The following ATXN3 variants were observed in gnomAD, a reference collection of about 807,000 sequenced individuals.
ATXN3 encodes the protein ataxin-3.
ATXN3 carries 28 observed loss-of-function variants against 58.2 expected under a neutral mutation model. That is an observed-to-expected ratio of 0.48 (90% CI 0.36 to 0.66). ATXN3 has a LOEUF of 0.66. Among genes scored for constraint, ATXN3 ranks in the 30% least tolerant of loss-of-function variants. The pLI is 0.00. For synonymous variants in ATXN3, 113 were observed against 138.5 expected (o/e 0.82, Z 1.29); for missense variants, 321 against 422.1 (o/e 0.76, Z 2.10).
At position 92,094,872 on chromosome 14, in the gene ATXN3, G is replaced by A. The variant is rs56101118; in HGVS notation, c.235-1041C>T. On this transcript the variant is annotated intron_variant, in intron 3 of 10. Coordinates refer to ENST00000644486, the MANE Select transcript of ATXN3 (RefSeq NM_004993.6). ...AGCCATTACCTGTTAGCAGTGGCAC[G>A]GTAAAGCACTAGATGGAAATGCTGG... 7.5e-3 allele frequency among the ~76,000 whole-genome samples: 1,143 copies of A among 152,274 alleles called. 17 individuals are homozygous for A. Among genetic ancestry groups the A allele is most frequent in the African/African-American group, 0.026 (1,080 of 41,554 alleles).
At chr14:92,084,898 G>T (rs1279893843) in intron 6 of ATXN3, among the ~76,000 whole-genome samples, 1 of 152,086 alleles carries the variant, frequency 6.6e-6, no homozygotes, top group Non-Finnish European at 1.5e-5. Context: ...TTAAACTTTG[G>T]TGTTTGTTAT....
At chr14:92,055,684 G>A (rs930698648), downstream of ATXN3, among the ~76,000 whole-genome samples, 7 of 152,222 alleles carry the variant, frequency 4.6e-5, no homozygotes, top group African/African-American at 1.7e-4. The surrounding 1 kb of genome is among the most constrained non-coding windows in gnomAD (Gnocchi z 4.5). Flanking sequence ...AATCTGGCCA[G>A]GTTAGGTGGC....
intron 9 of ATXN3, among the ~76,000 whole-genome samples, chr14:92,079,003 T>C (rs2060942206): frequency 6.6e-6 from 1 of 151,976 alleles, no homozygotes; most frequent in Non-Finnish European, 1.5e-5. Context: ...CTGGACGACA[T>C]GGTGAAATCC....
rs1595456792 is a variant in ATXN3, at chr14:92,063,297, A to G, written c.*1023T>C. 6.6e-6 allele frequency: 1 copy of G among 152,422 alleles called. No homozygotes were observed. Among genetic ancestry groups the G allele is most frequent in the East Asian group, 1.9e-4 (1 of 5,206 alleles). 9.4% of individuals were successfully genotyped at this position (152,422 alleles called of 1,614,324 possible). A position where few individuals can be genotyped will look rare whatever the true frequency, so the allele number is the denominator to read the frequency against. The stretch of plus-strand genomic sequence containing the variant: ...GCAGACACCTACATTCCATGACTCA[A>G]CTGTAAAGAGAACACAAAGCTCCAG... On this transcript the variant is annotated 3_prime_UTR_variant, in exon 11 of 11. Transcript: ENST00000644486.
In ATXN3 at chr14:92,083,154, CT is replaced by C; in HGVS notation, c.579del (p.Glu194LysfsTer3). ...TGCTCTTTTAGTTGTGCTAATTCTTCTCCAATAAGTTTTGGTCGATGCATCT... is the reference window on the plus strand; with the variant it reads ...TGCTCTTTTAGTTGTGCTAATTCTTCCCAATAAGTTTTGGTCGATGCATCT... Reference protein sequence around the residue: ...VQQMHRPKLIGEELAQLKEQR... With the variant: ...VQQMHRPKLIXEELAQLKEQR... On this transcript the variant is annotated frameshift_variant, in exon 7 of 11. Coordinates refer to ENST00000644486, the MANE Select transcript of ATXN3 (RefSeq NM_004993.6). LOFTEE classifies it high-confidence loss of function. 6.2e-7 allele frequency: 1 copy of C among 1,612,818 alleles called. No individual in the cohort carries two copies. The highest frequency in any genetic ancestry group is 8.5e-7 in the Non-Finnish European group (1 of 1,179,732).
chr14:92,050,143 C>CGTGTGTGTGTGTGTGT (rs35730721), upstream of ATXN3, among the ~76,000 whole-genome samples: 2 of 147,692 alleles, frequency 1.4e-5, no homozygotes, highest in Admixed American at 6.8e-5. Flanking sequence ...ACTTTGCTCT[C>CGTGTGTGTGTGTGTGT]GTGTGTGTGT....
intron 6 of ATXN3, among the ~76,000 whole-genome samples, chr14:92,088,075 CTTTTTTT>C (rs763494837): frequency 6.9e-6 from 1 of 144,882 alleles, no homozygotes. Context: ...TTTTTCTTTT[CTTTTTTT>C]TTTTGAGACG....
At chr14:92,098,767 G>A (rs2066002905) in intron 1 of ATXN3, among the ~76,000 whole-genome samples, 1 of 152,118 alleles carries the variant, frequency 6.6e-6, no homozygotes, top group Non-Finnish European at 1.5e-5. Context: ...GCAATGAGCA[G>A]AACTGTCCCA....
rs1269677088 is a variant in ATXN3, at chr14:92,045,269, GA to G, written n.277-312del. On this transcript the variant is annotated intron_variant and non_coding_transcript_variant, in intron 2 of 2. Transcript: ENST00000564606. ...GAAGATTGAGGACGGTAAGGGGTAT[GA>G]AGGTTCCACTGAATACCAAGAGCCT... Among the ~76,000 whole-genome samples, 6 of 152,294 alleles carry G rather than the reference GA, an allele frequency of 3.9e-5. No individual in the cohort carries two copies. In the East Asian group the frequency reaches 1.2e-3, roughly 29 times the overall value.
intron 9 of ATXN3, among the ~76,000 whole-genome samples, chr14:92,079,998 A>G (rs1230363248): frequency 6.6e-6 from 1 of 152,150 alleles, no homozygotes; most frequent in Non-Finnish European, 1.5e-5. Flanking sequence ...TTGGCCTCCT[A>G]AAATGGTGGG....
chr14:92,076,757 T>C (rs1477934667), intron 9 of ATXN3, among the ~76,000 whole-genome samples: 1 of 151,732 alleles, frequency 6.6e-6, no homozygotes, highest in Non-Finnish European at 1.5e-5. Flanking sequence ...CTGGGCAACA[T>C]GGTGAAACCC....
In ATXN3 at chr14:92,088,831, G is replaced by A. The variant is rs748857493; in HGVS notation, c.388-14C>T. On this transcript the variant is annotated splice_polypyrimidine_tract_variant and intron_variant, in intron 5 of 10. Coordinates refer to ENST00000644486, the MANE Select transcript of ATXN3 (RefSeq NM_004993.6). ...CAAGTTAAACCACTGGAAAAAAATT[G>A]TCAATATTTAAGTTAGTGTATATTA... The A allele has an allele frequency of 2.0e-6, 3 of 1,531,530 alleles. No homozygotes were observed. The highest frequency in any genetic ancestry group is 2.7e-6 in the Non-Finnish European group (3 of 1,106,698). 94.9% of individuals were successfully genotyped at this position (1,531,530 alleles called of 1,614,324 possible).
intron 7 of ATXN3, among the ~76,000 whole-genome samples, 197 bp downstream of exon 7, chr14:92,082,929 A>C (rs2061730679): frequency 6.6e-6 from 1 of 152,096 alleles, no homozygotes; most frequent in South Asian, 2.1e-4. Context: ...GGAATATACC[A>C]TACCAGCTAA....
At chr14:92,089,634 G>C (rs10131670) in intron 5 of ATXN3, among the ~76,000 whole-genome samples, 1 of 151,868 alleles carries the variant, frequency 6.6e-6, no homozygotes, top group Non-Finnish European at 1.5e-5. Context: ...CACCGCGCCC[G>C]GCCCTGTTAG....
chr14:92,099,127 T>A (rs2066108405), intron 1 of ATXN3, among the ~76,000 whole-genome samples: 1 of 152,200 alleles, frequency 6.6e-6, no homozygotes, highest in African/African-American at 2.4e-5. Context: ...TTCCTTCTCC[T>A]GCTAACCTTG....
At chr14:92,072,352 T>C (rs1238834489) in intron 9 of ATXN3, among the ~76,000 whole-genome samples, 5 of 152,220 alleles carry the variant, frequency 3.3e-5, no homozygotes, top group Non-Finnish European at 7.3e-5. Flanking sequence ...GTACTATTTC[T>C]GCTTTTATGT....
chr14:92,076,436 G>A (rs1369128961), intron 9 of ATXN3, among the ~76,000 whole-genome samples: 5 of 135,346 alleles, frequency 3.7e-5, no homozygotes, highest in African/African-American at 1.1e-4. Flanking sequence ...TGACAAAAGC[G>A]AGACCTCGTC....
upstream of ATXN3, among the ~76,000 whole-genome samples, chr14:92,052,935 A>G (rs898201913): frequency 2.6e-5 from 4 of 151,796 alleles, no homozygotes; most frequent in Admixed American, 2.0e-4. Context: ...TGCCCTTTCC[A>G]TTTCCTCCTG....
chr14:92,054,982 AG>A (rs2057460300), downstream of ATXN3, among the ~76,000 whole-genome samples: 1 of 152,178 alleles, frequency 6.6e-6, no homozygotes, highest in Non-Finnish European at 1.5e-5. Flanking sequence ...CCCGGGTTCA[AG>A]CAATTCTCCT....
Sources: allele counts gnomAD v4.1 joint callset (sites outside exome capture counted in the v4.1 genomes callset), GRCh38; gene constraint gnomAD v4.1.1; non-coding constraint Gnocchi (gnomAD v3.1); transcripts MANE v1.5; gene names NCBI Gene and HGNC (gene_info 2026-07-23, HGNC 2026-07-21).